Variants in FIRRM observed in about 807,000 individuals in gnomAD.
The protein encoded by FIRRM is FIGNL1-interacting regulator of recombination and mitosis.
the FIRRM span, among the ~76,000 whole-genome samples, chr1:169,812,125 C>T: frequency 4.6e-5 from 7 of 152,282 alleles, no homozygotes; most frequent in East Asian, 7.7e-4. Flanking sequence ...AAAAATAAAA[C>T]TCTAGGTTTA....
the FIRRM span, among the ~76,000 whole-genome samples, chr1:169,805,670 A>T: frequency 6.6e-6 from 1 of 152,068 alleles, no homozygotes; most frequent in Non-Finnish European, 1.5e-5. Context: ...TTTCCTTAGC[A>T]ATTTGTTTTG....
the FIRRM span, among the ~76,000 whole-genome samples, chr1:169,811,901 C>T: frequency 6.8e-6 from 1 of 147,544 alleles, no homozygotes; most frequent in Non-Finnish European, 1.5e-5. Flanking sequence ...AGAGCTTGGA[C>T]AACAGAGTGA....
the FIRRM span, chr1:169,793,217 C>T: frequency 1.2e-6 from 2 of 1,614,142 alleles, no homozygotes; most frequent in Non-Finnish European, 1.7e-6. Context: ...CTCATAAACA[C>T]CTGTAATCAG....
the FIRRM span, among the ~76,000 whole-genome samples, chr1:169,784,690 AC>A: frequency 4.6e-5 from 7 of 152,366 alleles, no homozygotes; most frequent in African/African-American, 1.7e-4. Context: ...CCCCTGACTA[AC>A]AAAGGAAATG....
At chr1:169,830,308 T>C in the FIRRM span, 5 of 1,613,904 alleles carry the variant, frequency 3.1e-6, no homozygotes, top group South Asian at 5.5e-5. Flanking sequence ...ATCACCTCTT[T>C]GTTAGCTATG....
the FIRRM span, among the ~76,000 whole-genome samples, chr1:169,794,320 G>C: frequency 2.0e-5 from 3 of 152,176 alleles, no homozygotes; most frequent in African/African-American, 7.2e-5. Context: ...TGGTAAGTCA[G>C]CGTCCCTTTA....
the FIRRM span, chr1:169,829,327 G>A: frequency 6.2e-7 from 1 of 1,613,496 alleles, no homozygotes. Flanking sequence ...CTCTCTACCT[G>A]TTCATTTACA....
chr1:169,830,577 A>G, the FIRRM span: 4 of 983,040 alleles, frequency 4.1e-6, no homozygotes, highest in Non-Finnish European at 6.2e-6. Flanking sequence ...TTATTTGGTC[A>G]TGGAAATAAT....
the FIRRM span, chr1:169,804,412 G>C: frequency 2.9e-5 from 13 of 440,868 alleles, no homozygotes; most frequent in Admixed American, 3.6e-4. Flanking sequence ...ATTTATTTTG[G>C]GTACCTTAAC....
the FIRRM span, among the ~76,000 whole-genome samples, chr1:169,786,458 T>C: frequency 2.2e-4 from 33 of 152,122 alleles, 1 homozygote; most frequent in Admixed American, 6.5e-4. Context: ...GGAATAGCAA[T>C]GATAATAAAA....
chr1:169,840,833 G>C, the FIRRM span, among the ~76,000 whole-genome samples: 10,131 of 152,156 alleles, frequency 0.067, 431 homozygotes, highest in Non-Finnish European at 0.099. Context: ...TTGCCACTCA[G>C]CTTGAATGTT....
chr1:169,786,733 G>A, the FIRRM span, among the ~76,000 whole-genome samples: 1 of 152,142 alleles, frequency 6.6e-6, no homozygotes, highest in Non-Finnish European at 1.5e-5. Context: ...GAAGAATCTG[G>A]ACAAGTCTTG....
At chr1:169,785,452 T>C in the FIRRM span, among the ~76,000 whole-genome samples, 6 of 151,652 alleles carry the variant, frequency 4.0e-5, no homozygotes, top group South Asian at 1.3e-3. Flanking sequence ...AATGTGGGAG[T>C]TTTATGGAGT....
the FIRRM span, among the ~76,000 whole-genome samples, chr1:169,788,073 T>C: frequency 1.3e-5 from 2 of 152,218 alleles, no homozygotes; most frequent in African/African-American, 2.4e-5. Context: ...GGAGCATCTT[T>C]ATCTTTGTAC....
chr1:169,851,669 T>TAA, the FIRRM span: 3 of 858,178 alleles, frequency 3.5e-6, no homozygotes, highest in Non-Finnish European at 5.4e-6. Context: ...ATCCAGATTA[T>TAA]ACTAAGAGTA....
the FIRRM span, among the ~76,000 whole-genome samples, chr1:169,836,489 C>CT: frequency 1.3e-5 from 2 of 152,242 alleles, no homozygotes; most frequent in East Asian, 3.9e-4. Flanking sequence ...ATCTTTGCTT[C>CT]TTTAAGTTCT....
the FIRRM span, among the ~76,000 whole-genome samples, chr1:169,784,541 G>A: frequency 6.6e-6 from 1 of 151,720 alleles, no homozygotes; most frequent in African/African-American, 2.4e-5. Context: ...ATCCAATTTT[G>A]TTTGTCTGTT....
At chr1:169,844,246 A>G in the FIRRM span, among the ~76,000 whole-genome samples, 10,129 of 152,344 alleles carry the variant, frequency 0.066, 431 homozygotes, top group Non-Finnish European at 0.099. Flanking sequence ...TGGCTAGGAC[A>G]GGCAGAGCCT....
chr1:169,806,912 T>C, the FIRRM span, among the ~76,000 whole-genome samples: 1 of 152,222 alleles, frequency 6.6e-6, no homozygotes, highest in African/African-American at 2.4e-5. Context: ...TGTGAAATGC[T>C]TAGAAATGTG....
Sources: allele counts gnomAD v4.1 joint callset (sites outside exome capture counted in the v4.1 genomes callset), GRCh38; gene constraint gnomAD v4.1.1; transcripts MANE v1.5; gene names NCBI Gene and HGNC (gene_info 2026-07-23, HGNC 2026-07-21).